Variants in ZFYVE9 observed in about 807,000 individuals in gnomAD.
The protein encoded by ZFYVE9 is zinc finger FYVE domain-containing protein 9.
Under a neutral mutation model 126.7 loss-of-function variants are expected in ZFYVE9, and 43 were observed. The ratio of observed to expected loss-of-function variants is 0.34; its 90% CI spans 0.27 to 0.44. ZFYVE9 has a LOEUF of 0.44. ZFYVE9 is among the 20% of genes least tolerant of loss of function. The pLI, the probability that ZFYVE9 is intolerant of heterozygous loss-of-function variation, is 1.00. For synonymous variants in ZFYVE9, 521 were observed against 597.4 expected, an observed-to-expected ratio of 0.87 and a Z score of 1.87; for missense variants, 1,476 against 1,697.0, an observed-to-expected ratio of 0.87 and a Z score of 2.29.
chr1:52,334,872 C>A, intron 15 of ZFYVE9, 104 bp downstream of exon 15: 1 of 1,128,274 alleles, frequency 8.9e-7, no homozygotes, highest in South Asian at 1.4e-5. Context: ...ACTGTTTTTT[C>A]AGTAGCATCT....
chr1:52,240,572 A>T (rs900359271), intron 4 of ZFYVE9, among the ~76,000 whole-genome samples: 1 of 152,148 alleles, frequency 6.6e-6, no homozygotes, highest in African/African-American at 2.4e-5. Flanking sequence ...GGTGAAAATA[A>T]CATTTATTTC....
intron 2 of ZFYVE9, among the ~76,000 whole-genome samples, chr1:52,218,851 A>G (rs1052376130): frequency 4.6e-5 from 7 of 152,086 alleles, no homozygotes; most frequent in African/African-American, 1.7e-4. Context: ...CTCATTTCAA[A>G]GATGCCTGTA....
intron 2 of ZFYVE9, among the ~76,000 whole-genome samples, chr1:52,225,494 C>A (rs560157374): frequency 6.6e-6 from 1 of 152,154 alleles, no homozygotes; most frequent in Non-Finnish European, 1.5e-5. Flanking sequence ...GCACACCAAA[C>A]GAAGGAAGGG....
At chr1:52,167,309 T>C (rs1185537930) in intron 1 of ZFYVE9, among the ~76,000 whole-genome samples, 1 of 152,190 alleles carries the variant, frequency 6.6e-6, no homozygotes, top group Non-Finnish European at 1.5e-5. Flanking sequence ...TCTTGGTGGA[T>C]AAATAAGAAA....
Position 52,155,304 on chromosome 1 carries a change from G to A in ZFYVE9, c.-143+12901G>A, listed in dbSNP as rs2124502045. ...GCTGGAGTGCAGTGGCGCGATTTCG[G>A]CTCACTGCAGGCTCCGCCCCCCGGG... On this transcript the variant is annotated intron_variant, in intron 1 of 18. Transcript: ENST00000287727. Among the ~76,000 whole-genome samples the A allele has an allele frequency of 2.0e-5, 3 of 150,464 alleles. No individual in the cohort carries two copies. In the South Asian group the frequency reaches 6.3e-4, roughly 32 times the overall value.
intron 1 of ZFYVE9, among the ~76,000 whole-genome samples, chr1:52,210,991 T>A (rs1175913629): frequency 6.6e-6 from 1 of 152,144 alleles, no homozygotes; most frequent in Non-Finnish European, 1.5e-5. Context: ...GCAGTTGTAG[T>A]CAGACAGTGG....
At chr1:52,173,918 G>A (rs540827494) in intron 1 of ZFYVE9, among the ~76,000 whole-genome samples, 301 of 151,836 alleles carry the variant, frequency 2.0e-3, no homozygotes, top group African/African-American at 7.1e-3. Flanking sequence ...TCTTGCTAGC[G>A]GTCTATCAGT....
At chr1:52,251,652 A>G (rs1359368706) in intron 4 of ZFYVE9, among the ~76,000 whole-genome samples, 1 of 152,162 alleles carries the variant, frequency 6.6e-6, no homozygotes, top group Non-Finnish European at 1.5e-5. Context: ...ATATTGGTCT[A>G]TAGTTTTCTT....
chr1:52,145,590 C>G (rs78533736), intron 1 of ZFYVE9, among the ~76,000 whole-genome samples: 2,248 of 152,152 alleles, frequency 0.015, 71 homozygotes, highest in African/African-American at 0.052. Flanking sequence ...GTAACACTAC[C>G]CCTCCTAGCA....
At chr1:52,336,050 CTT>C (rs1251081777) in intron 15 of ZFYVE9, among the ~76,000 whole-genome samples, 1 of 151,916 alleles carries the variant, frequency 6.6e-6, no homozygotes, top group Non-Finnish European at 1.5e-5. Context: ...AGGAGAATCA[CTT>C]GAACCTGGGA....
chr1:52,308,428 A>G (rs1166139711), intron 13 of ZFYVE9, among the ~76,000 whole-genome samples: 1 of 151,700 alleles, frequency 6.6e-6, no homozygotes, highest in East Asian at 1.9e-4. Context: ...CTTAAGTGAT[A>G]CTCCCATCTT....
intron 5 of ZFYVE9, among the ~76,000 whole-genome samples, chr1:52,265,966 T>G (rs1026422771): frequency 1.3e-5 from 2 of 152,352 alleles, no homozygotes; most frequent in Middle Eastern, 3.4e-3. Context: ...TATCCAAGTT[T>G]CAAATTCTTA....
At chr1:52,235,336 A>G (rs1168973642) in intron 3 of ZFYVE9, among the ~76,000 whole-genome samples, 12 of 152,232 alleles carry the variant, frequency 7.9e-5, no homozygotes, top group Admixed American at 6.5e-4. Flanking sequence ...ACACTGGGCA[A>G]TCAACATTAT....
intron 1 of ZFYVE9, among the ~76,000 whole-genome samples, chr1:52,211,149 G>C (rs1645025091): frequency 6.6e-6 from 1 of 152,154 alleles, no homozygotes; most frequent in Non-Finnish European, 1.5e-5. Flanking sequence ...GTCAGAAACT[G>C]TATTACCTTT....
chr1:52,144,003 C>G (rs986584641), intron 1 of ZFYVE9, among the ~76,000 whole-genome samples: 1 of 152,112 alleles, frequency 6.6e-6, no homozygotes, highest in Non-Finnish European at 1.5e-5. Flanking sequence ...ATGGCTAGGC[C>G]TACTAGGGAG....
rs17107118 is a variant in ZFYVE9, at chr1:52,239,744, A to T, written c.2178+149A>T. 6,605 of 900,398 alleles carry T rather than the reference A, an allele frequency of 7.3e-3. 250 individuals carry two copies. In the East Asian group the frequency reaches 0.095, roughly 13 times the overall value. The allele number at this position is 900,398 out of a possible 1,614,324, so 55.8% of individuals were successfully genotyped here. A position where few individuals can be genotyped will look rare whatever the true frequency, so the allele number is the denominator to read the frequency against. On this transcript the variant is annotated intron_variant, in intron 4 of 18. Transcript: ENST00000287727. Reference sequence around the variant, plus strand: ...AAACCCAGTTCTAGTAAATTTCTATATAAAAAATGATGTCACTGATTCTTA... The same window carrying T: ...AAACCCAGTTCTAGTAAATTTCTATTTAAAAAATGATGTCACTGATTCTTA...
intron 17 of ZFYVE9, among the ~76,000 whole-genome samples, chr1:52,341,669 C>A (rs1646438780): frequency 6.6e-6 from 1 of 152,040 alleles, no homozygotes; most frequent in South Asian, 2.1e-4. Flanking sequence ...CTGGCTTTTC[C>A]ATTTCACACA....
At chr1:52,283,293 G>T (rs1183396807) in intron 10 of ZFYVE9, among the ~76,000 whole-genome samples, 2 of 152,142 alleles carry the variant, frequency 1.3e-5, no homozygotes, top group East Asian at 1.9e-4. Flanking sequence ...AGAGACTAGG[G>T]TATGGGAGGT....
chr1:52,239,029 A>G lies in ZFYVE9; in HGVS notation c.1612A>G (p.Thr538Ala). ...TEGSGLLLNS[T>A]GDLMKKNYLH... ...AGGGAGTGGACTACTTTTAAACAGC[A>G]CTGGTGACCTAATGAAGAAAAATTA... is the stretch of plus-strand genomic sequence containing the variant. Residue 538 changes from threonine (T) to alanine (A), a missense_variant, in exon 4 of 19, where the codon ACT (threonine) becomes GCT (alanine). Around this residue, in one of 2 missense-constraint regions of ZFYVE9, gnomAD observed 807 missense variants for 794.6 expected, o/e 1.02. Transcript: ENST00000287727. The G allele has an allele frequency of 6.2e-7, 1 of 1,614,164 alleles. No homozygotes were observed. Among genetic ancestry groups the G allele is most frequent in the Non-Finnish European group, 8.5e-7 (1 of 1,180,008 alleles).
Sources: gnomAD v4.1 joint callset for allele counts (sites outside exome capture counted in the v4.1 genomes callset) on GRCh38, gnomAD v4.1.1 for gene constraint, gnomAD v4.1.1 regional missense constraint, MANE v1.5 for transcripts, NCBI Gene and HGNC (gene_info 2026-07-23, HGNC 2026-07-21) for gene names.